RLIM: variants seen among roughly 807,000 people sequenced by gnomAD.
RLIM encodes the protein E3 ubiquitin-protein ligase RLIM.
RLIM carries 2 observed loss-of-function variants against 34.0 expected under a neutral mutation model. That is an observed-to-expected ratio of 0.06 (90% CI 0.02 to 0.19). The LOEUF is 0.19. RLIM is among the 10% of genes least tolerant of loss of function. The pLI, the probability that RLIM is intolerant of heterozygous loss-of-function variation, is 1.00. For missense variants in RLIM, 286 were observed against 479.7 expected, an observed-to-expected ratio of 0.60 and a Z score of 3.77; for synonymous variants, 169 against 164.0, an observed-to-expected ratio of 1.03 and a Z score of -0.23.
At chrX:74,612,298 A>T (rs906606564) in intron 1 of RLIM, among the ~76,000 whole-genome samples, 1 of 112,181 alleles carries the variant, frequency 8.9e-6, no homozygotes, top group Non-Finnish European at 1.9e-5. Flanking sequence ...AAGACAACAA[A>T]TTTTTTGTTG....
intron 1 of RLIM, among the ~76,000 whole-genome samples, chrX:74,602,004 A>C: frequency 8.9e-6 from 1 of 112,056 alleles, no homozygotes; most frequent in East Asian, 2.8e-4. Context: ...AAGCAATGTT[A>C]ACTTGCAAAC....
At position 74,590,664 on chromosome X, in the gene RLIM, G is replaced by A. The variant is rs910106916; in HGVS notation, c.*776C>T. On this transcript the variant is annotated 3_prime_UTR_variant, in exon 4 of 4. Transcript: ENST00000332687. ...TGGCTCACAAAAAGCAGTTTTCTCAGTTCTAAGCATGGTACTTTACAATTT... is the reference window on the plus strand; with the variant it reads ...TGGCTCACAAAAAGCAGTTTTCTCAATTCTAAGCATGGTACTTTACAATTT... The A allele has an allele frequency of 8.9e-6, 1 of 112,707 alleles. No homozygotes were observed. Among genetic ancestry groups the A allele is most frequent in the Non-Finnish European group, 1.9e-5 (1 of 53,334 alleles). The allele number at this position is 112,707 out of a possible 1,213,427, so 9.3% of individuals were successfully genotyped here.
intron 1 of RLIM, among the ~76,000 whole-genome samples, chrX:74,609,869 C>T (rs2079700856): frequency 8.9e-6 from 1 of 111,837 alleles, no homozygotes. Flanking sequence ...AAGGGGAGAT[C>T]AGAAGGGACC....
Position 74,583,045 on chromosome X carries a change from C to A in RLIM, c.*8395G>T. 1.2e-6 allele frequency: 1 copy of A among 857,667 alleles called. No homozygotes were observed. The highest frequency in any genetic ancestry group is 1.7e-6 in the Non-Finnish European group (1 of 582,273). 70.7% of individuals were successfully genotyped at this position (857,667 alleles called of 1,213,427 possible). On this transcript the variant is annotated 3_prime_UTR_variant, in exon 4 of 4. Coordinates refer to ENST00000332687, the MANE Select transcript of RLIM (RefSeq NM_016120.4). ...AGTTTTTCGATGTTTAGATATTTTT[C>A]TTTGGTGAAGCACAAGTTTCTTTTC...
At position 74,592,489 on chromosome X, in the gene RLIM, A is replaced by T. The variant is rs768846788; in HGVS notation, c.826T>A (p.Ser276Thr). 1.7e-5 allele frequency: 21 copies of T among 1,210,048 alleles called. No homozygotes were observed. In the Admixed American group the frequency reaches 2.8e-4, roughly 16 times the overall value. The change falls in exon 4 of 4, where the codon TCT becomes ACT. Residue 276 changes from serine to threonine, a missense_variant. Physicochemically the swap from Ser to Thr is moderately conservative, Grantham distance 58. Around this residue, in one of 6 missense-constraint regions of RLIM, gnomAD observed 121 missense variants for 182.4 expected, o/e 0.66. Coordinates refer to ENST00000332687, the MANE Select transcript of RLIM (RefSeq NM_016120.4). The part of the protein sequence containing the change: ...RHHVTLRQQI[S>T]GPELLSRGLF... ...CCTCTACTTAGCAACTCAGGCCCAG[A>T]TATTTGCTGCCTCAATGTCACATGG...
chrX:74,591,247 C>A lies in RLIM; in HGVS notation c.*193G>T. ...GAAATCAGATTTTTAGGTCCTATAA[C>A]GTGGCTTTTAAAATATTTCCTTTTA... On this transcript the variant is annotated 3_prime_UTR_variant, in exon 4 of 4. Coordinates refer to ENST00000332687, the MANE Select transcript of RLIM (RefSeq NM_016120.4). The A allele has an allele frequency of 2.4e-6, 1 of 421,271 alleles. No individual in the cohort carries two copies. The highest frequency in any genetic ancestry group is 4.1e-6 in the Non-Finnish European group (1 of 244,368). The allele number at this position is 421,271 out of a possible 1,213,427, so 34.7% of individuals were successfully genotyped here.
At chrX:74,606,627 A>G (rs1440628233) in intron 1 of RLIM, among the ~76,000 whole-genome samples, 1 of 112,093 alleles carries the variant, frequency 8.9e-6, no homozygotes, top group African/African-American at 3.2e-5. Flanking sequence ...TATTTAAAAC[A>G]TATTGTTCAG....
chrX:74,594,333 G>T lies in RLIM; in HGVS notation c.226C>A (p.Pro76Thr). ...RRLQQIKEGP[P>T]PQNSDENRGG... ...CTATTTTCATCTGAGTTTTGCGGTG[G>T]TGGGCCTTCTTTAATTTGCTGTAGT... Residue 76 changes from proline to threonine, a missense_variant, in exon 3 of 4, where the codon CCA becomes ACA. This residue lies in a region of RLIM where 62 missense variants were observed against 71.3 expected (regional missense o/e 0.87). Coordinates refer to ENST00000332687, the MANE Select transcript of RLIM (RefSeq NM_016120.4). 1 of 1,207,187 alleles carries T rather than the reference G, an allele frequency of 8.3e-7. No homozygotes were observed. Among genetic ancestry groups the T allele is most frequent in the Non-Finnish European group, 1.1e-6 (1 of 893,986 alleles).
intron 1 of RLIM, among the ~76,000 whole-genome samples, chrX:74,596,988 A>C (rs1422892553): frequency 3.6e-5 from 4 of 112,388 alleles, no homozygotes; most frequent in Non-Finnish European, 7.5e-5. Context: ...AAAAAATACT[A>C]TATACTAAAT....
chrX:74,607,118 G>A (rs1401913186), intron 1 of RLIM, among the ~76,000 whole-genome samples: 2 of 102,241 alleles, frequency 2.0e-5, no homozygotes, highest in Admixed American at 2.2e-4. Context: ...GTCTAGTCTG[G>A]GTGACAGAGA....
chrX:74,585,788 G>C lies in RLIM; in HGVS notation c.*5652C>G, dbSNP rs190828036. On this transcript the variant is annotated 3_prime_UTR_variant, in exon 4 of 4. Transcript: ENST00000332687. ...TCAGGTTTAAATTGAAAGAAAATGAGAAACCAGATAAAGCAAGCCAACCAA... is the reference window on the plus strand; with the variant it reads ...TCAGGTTTAAATTGAAAGAAAATGACAAACCAGATAAAGCAAGCCAACCAA... The C allele has an allele frequency of 6.3e-5, 7 of 111,997 alleles. No individual in the cohort carries two copies. Among genetic ancestry groups the C allele is most frequent in the African/African-American group, 1.9e-4 (6 of 30,808 alleles). The allele number at this position is 111,997 out of a possible 1,213,427, so 9.2% of individuals were successfully genotyped here.
rs1439770136 is a variant in RLIM, at chrX:74,608,017, A to G, written c.-24+6405T>C. ...TAAAATGTTATGGTATTTGTAACAG[A>G]AAAATATTTGCTAACAACCAGGTAT... On this transcript the variant is annotated intron_variant, in intron 1 of 3. Transcript: ENST00000332687. 2.7e-5 allele frequency among the ~76,000 whole-genome samples: 3 copies of G among 112,407 alleles called. No individual in the cohort carries two copies. In the East Asian group the frequency reaches 8.4e-4, roughly 31 times the overall value.
At chrX:74,612,292 C>T (rs1444872213) in intron 1 of RLIM, among the ~76,000 whole-genome samples, 1 of 111,988 alleles carries the variant, frequency 8.9e-6, no homozygotes, top group Non-Finnish European at 1.9e-5. Context: ...TGATATAAGA[C>T]AACAAATTTT....
chrX:74,588,084 A>C lies in RLIM; in HGVS notation c.*3356T>G, dbSNP rs375727382. The C allele has an allele frequency of 8.9e-6, 1 of 112,726 alleles. No individual in the cohort carries two copies. The highest frequency in any genetic ancestry group is 3.6e-4 in the South Asian group (1 of 2,789). 9.3% of individuals were successfully genotyped at this position (112,726 alleles called of 1,213,427 possible). A position where few individuals can be genotyped will look rare whatever the true frequency, so the allele number is the denominator to read the frequency against. The stretch of plus-strand genomic sequence containing the variant: ...GTTCTTTTCAGAGCAAATATTCCAA[A>C]TTAACAAGGTGGCTCATCTTCTATA... On this transcript the variant is annotated 3_prime_UTR_variant, in exon 4 of 4. Coordinates refer to ENST00000332687, the MANE Select transcript of RLIM (RefSeq NM_016120.4).
At position 74,587,660 on chromosome X, in the gene RLIM, G is replaced by A. The variant is rs927948941; in HGVS notation, c.*3780C>T. 5 of 111,773 alleles carry A rather than the reference G, an allele frequency of 4.5e-5. No homozygotes were observed. Among genetic ancestry groups the A allele is most frequent in the African/African-American group, 1.3e-4 (4 of 30,741 alleles). The allele number at this position is 111,773 out of a possible 1,213,427, so 9.2% of individuals were successfully genotyped here. On this transcript the variant is annotated 3_prime_UTR_variant, in exon 4 of 4. Transcript: ENST00000332687. ...CAATCTTTACCTCCCTATCATTTGGGTATTTTGGGAACTGACCGAAAGTCA... is the reference window on the plus strand; with the variant it reads ...CAATCTTTACCTCCCTATCATTTGGATATTTTGGGAACTGACCGAAAGTCA...
chrX:74,600,707 A>G (rs766331472), intron 1 of RLIM, among the ~76,000 whole-genome samples: 53 of 110,836 alleles, frequency 4.8e-4, no homozygotes, highest in Non-Finnish European at 1.9e-4. Flanking sequence ...CAGTGGCACA[A>G]ACTCTTTAAC....
chrX:74,594,327 G>C lies in RLIM; in HGVS notation c.232C>G (p.Gln78Glu), dbSNP rs758159950. ...LQQIKEGPPP[Q>E]NSDENRGGDS... The stretch of plus-strand genomic sequence containing the variant: ...ATACCTCTATTTTCATCTGAGTTTT[G>C]CGGTGGTGGGCCTTCTTTAATTTGC... The change falls in exon 3 of 4, where the codon CAA (glutamine) becomes GAA (glutamate). Residue 78 changes from glutamine (Q) to glutamate (E), a missense_variant. Physicochemically the swap from Gln to Glu is conservative, Grantham distance 29 (BLOSUM62 2). Transcript: ENST00000332687. 10 of 1,205,686 alleles carry C rather than the reference G, an allele frequency of 8.3e-6. No homozygotes were observed. Among genetic ancestry groups the C allele is most frequent in the Non-Finnish European group, 1.1e-5 (10 of 893,397 alleles).
At chrX:74,593,330 T>A (rs1455589941) in intron 3 of RLIM, among the ~76,000 whole-genome samples, 1 of 112,460 alleles carries the variant, frequency 8.9e-6, no homozygotes, top group East Asian at 2.8e-4. Flanking sequence ...TATTTTATCA[T>A]ATACAGAGCC....
intron 1 of RLIM, among the ~76,000 whole-genome samples, chrX:74,598,564 G>T (rs1258664840): frequency 9.0e-6 from 1 of 110,610 alleles, no homozygotes; most frequent in Non-Finnish European, 1.9e-5. Context: ...GGATCACGAG[G>T]TCAGGAGATA....
Sources: gnomAD v4.1 joint callset for allele counts (sites outside exome capture counted in the v4.1 genomes callset) on GRCh38, gnomAD v4.1.1 for gene constraint, gnomAD v4.1.1 regional missense constraint, MANE v1.5 for transcripts, NCBI Gene and HGNC (gene_info 2026-07-23, HGNC 2026-07-21) for gene names.